The following LRRFIP2 variants were observed in gnomAD, a reference collection of about 807,000 sequenced individuals.
LRRFIP2 encodes the protein leucine-rich repeat flightless-interacting protein 2.
A neutral mutation model predicts 125.9 loss-of-function variants in LRRFIP2; 109 were observed. The ratio of observed to expected loss-of-function variants is 0.87; its 90% CI spans 0.74 to 1.01. The LOEUF (loss-of-function observed/expected upper bound fraction) is 1.01, where lower values mean the gene tolerates loss of function less well. LRRFIP2 is among the 50% of genes least tolerant of loss of function. LRRFIP2 has a pLI of 0.00. For synonymous variants in LRRFIP2, 291 were observed against 293.1 expected (o/e 0.99, Z 0.07); for missense variants, 850 against 862.3 (o/e 0.99, Z 0.18).
At chr3:37,097,727 T>TAGTCC (rs2093797834) in intron 15 of LRRFIP2, among the ~76,000 whole-genome samples, 1 of 152,196 alleles carries the variant, frequency 6.6e-6, no homozygotes, top group Non-Finnish European at 1.5e-5. Context: ...CTTAAAAGTC[T>TAGTCC]AGTCCAAACC....
At chr3:37,107,881 T>C (rs1576705844) in intron 13 of LRRFIP2, among the ~76,000 whole-genome samples, 192 bp downstream of exon 13, 1 of 152,236 alleles carries the variant, frequency 6.6e-6, no homozygotes, top group Non-Finnish European at 1.5e-5. Flanking sequence ...AGAAATTACA[T>C]GCTAAGTCAC....
chr3:37,130,043 A>G (rs539082200), intron 2 of LRRFIP2, among the ~76,000 whole-genome samples: 56 of 152,338 alleles, frequency 3.7e-4, no homozygotes, highest in African/African-American at 1.3e-3. Flanking sequence ...GTATACTCAC[A>G]GGATGTGCAA....
At position 37,060,412 on chromosome 3, in the gene LRRFIP2, G is replaced by A. The variant is rs537249927; in HGVS notation, c.1750-1502C>T. 3.9e-5 allele frequency among the ~76,000 whole-genome samples: 6 copies of A among 152,226 alleles called. No individual in the cohort carries two copies. The highest frequency in any genetic ancestry group is 4.1e-4 in the South Asian group (2 of 4,830). ...CAACCTCCGCCTCCCGGGTTCAAGC[G>A]ATTTTCCTGCCTCAGCCCCCCGAGT... On this transcript the variant is annotated intron_variant, in intron 24 of 27. Transcript: ENST00000336686. The surrounding 1 kb of genome is among the most constrained non-coding windows in gnomAD (Gnocchi z 4.1).
At chr3:37,108,368 C>T (rs1353612237) in intron 12 of LRRFIP2, among the ~76,000 whole-genome samples, 1 of 152,152 alleles carries the variant, frequency 6.6e-6, no homozygotes, top group Non-Finnish European at 1.5e-5. Flanking sequence ...TCAGGAGGAA[C>T]TAATGAACAA....
At chr3:37,112,491 A>C (rs1403060061) in intron 8 of LRRFIP2, among the ~76,000 whole-genome samples, 2 of 152,206 alleles carry the variant, frequency 1.3e-5, no homozygotes, top group Non-Finnish European at 2.9e-5. Context: ...TTGCCATTAC[A>C]TATTTATTGA....
chr3:37,156,530 C>A (rs917484328), intron 1 of LRRFIP2, among the ~76,000 whole-genome samples: 1 of 150,798 alleles, frequency 6.6e-6, no homozygotes, highest in Non-Finnish European at 1.5e-5. Context: ...AAAAATTAGC[C>A]GGGCGTGGTG....
At chr3:37,109,408 A>G in intron 11 of LRRFIP2, 119 bp downstream of exon 11, 1 of 1,067,756 alleles carries the variant, frequency 9.4e-7, no homozygotes, top group East Asian at 2.4e-5. Context: ...TCTGCAGTAT[A>G]CATGACACTA....
Position 37,094,927 on chromosome 3 carries a change from C to T in LRRFIP2, c.919-19G>A, listed in dbSNP as rs765030565. On this transcript the variant is annotated intron_variant, in intron 16 of 27. Transcript: ENST00000336686. ...ATGAAGGCTAGAAAGAGAAATATGA[C>T]CCTTCTAAGTCTCATTTCTTTAAAA... The T allele has an allele frequency of 2.1e-6, 3 of 1,402,082 alleles. No individual in the cohort carries two copies. Among genetic ancestry groups the T allele is most frequent in the Non-Finnish European group, 2.0e-6 (2 of 986,868 alleles). The allele number at this position is 1,402,082 out of a possible 1,614,324, so 86.9% of individuals were successfully genotyped here. A position where few individuals can be genotyped will look rare whatever the true frequency, so the allele number is the denominator to read the frequency against.
chr3:37,153,121 C>T (rs375262063), intron 1 of LRRFIP2, among the ~76,000 whole-genome samples: 22 of 152,144 alleles, frequency 1.4e-4, no homozygotes, highest in African/African-American at 4.1e-4. Flanking sequence ...TAAAACCAGG[C>T]GTGGTGGCTC....
chr3:37,145,340 C>T (rs2095830010), intron 2 of LRRFIP2, among the ~76,000 whole-genome samples: 1 of 152,064 alleles, frequency 6.6e-6, no homozygotes, highest in African/African-American at 2.4e-5. Context: ...ACCCAATAAA[C>T]AGTATACAAA....
chr3:37,098,086 C>A (rs2093813842), intron 15 of LRRFIP2, among the ~76,000 whole-genome samples: 1 of 141,694 alleles, frequency 7.1e-6, no homozygotes, highest in Non-Finnish European at 1.6e-5. Flanking sequence ...TTTTTATTAC[C>A]CACACTTATG....
chr3:37,061,551 C>A (rs933412687), intron 24 of LRRFIP2, among the ~76,000 whole-genome samples: 10 of 151,774 alleles, frequency 6.6e-5, no homozygotes, highest in Admixed American at 3.3e-4. Flanking sequence ...CCACCATGCC[C>A]GGCTAATTTT....
intron 2 of LRRFIP2, among the ~76,000 whole-genome samples, chr3:37,129,420 T>C (rs1441781734): frequency 6.6e-6 from 1 of 152,224 alleles, no homozygotes. Context: ...GTTTGTTATA[T>C]GCCTCTCCAA....
At chr3:37,127,594 T>C (rs762851972) in intron 4 of LRRFIP2, 36 bp downstream of exon 4, 1 of 1,603,170 alleles carries the variant, frequency 6.2e-7, no homozygotes, top group South Asian at 1.1e-5. Flanking sequence ...TTTCAGCAAT[T>C]GATCACAACA....
intron 6 of LRRFIP2, among the ~76,000 whole-genome samples, chr3:37,120,687 T>C (rs1259429613): frequency 1.3e-5 from 2 of 151,824 alleles, no homozygotes; most frequent in Admixed American, 1.3e-4. Context: ...AATAGAGACT[T>C]TAACATGAAA....
intron 1 of LRRFIP2, chr3:37,154,576 T>C (rs1030594677): frequency 6.6e-6 from 1 of 152,204 alleles, no homozygotes; most frequent in Non-Finnish European, 1.5e-5. Context: ...TCAAGTTGAT[T>C]TTCCCCAGAT....
chr3:37,136,907 G>A (rs530059081), intron 2 of LRRFIP2, among the ~76,000 whole-genome samples: 8 of 137,452 alleles, frequency 5.8e-5, no homozygotes, highest in Non-Finnish European at 1.2e-4. Context: ...TATCTACCAT[G>A]GTTTGACCAC....
At chr3:37,068,601 T>C (rs1278070540) in intron 21 of LRRFIP2, 3 of 152,176 alleles carry the variant, frequency 2.0e-5, no homozygotes, top group Admixed American at 6.5e-5. Flanking sequence ...ATATAACCAC[T>C]ACCCTTGTGT....
chr3:37,115,032 C>T, intron 7 of LRRFIP2, 22 bp downstream of exon 7: 4 of 1,579,202 alleles, frequency 2.5e-6, no homozygotes, highest in Non-Finnish European at 1.7e-6. Flanking sequence ...CCACATATAA[C>T]ACAAAGTCAT....
Sources: gnomAD v4.1 joint callset for allele counts (sites outside exome capture counted in the v4.1 genomes callset) on GRCh38, gnomAD v4.1.1 for gene constraint, Gnocchi (gnomAD v3.1) non-coding constraint, MANE v1.5 for transcripts, NCBI Gene and HGNC (gene_info 2026-07-23, HGNC 2026-07-21) for gene names.